HORMAD2: variants seen among roughly 807,000 people sequenced by gnomAD.
HORMAD2 encodes the protein HORMA domain-containing protein 2.
HORMAD2 carries 45 observed loss-of-function variants against 38.8 expected under a neutral mutation model. The ratio of observed to expected loss-of-function variants is 1.16; its 90% CI spans 0.91 to 1.49. The LOEUF is 1.49. Among genes scored for constraint, HORMAD2 ranks in the 40% most tolerant of loss-of-function variants. The pLI is 0.00. For missense variants in HORMAD2, 338 were observed against 367.0 expected (o/e 0.92, Z 0.65); for synonymous variants, 126 against 122.8 (o/e 1.03, Z -0.17).
chr22:30,088,005 A>T (rs113861628), intron 1 of HORMAD2, among the ~76,000 whole-genome samples: 1 of 143,168 alleles, frequency 7.0e-6, no homozygotes, highest in African/African-American at 2.8e-5. Context: ...ATACACACAC[A>T]TACATATATA....
At chr22:30,137,442 C>A (rs1325292211) in intron 10 of HORMAD2, 14 of 312,184 alleles carry the variant, frequency 4.5e-5, no homozygotes, top group Non-Finnish European at 8.7e-5. Context: ...AGCTGTTGAT[C>A]ACACCACTGC....
At chr22:30,114,636 T>A (rs1484272161) in intron 7 of HORMAD2, among the ~76,000 whole-genome samples, 5 of 152,320 alleles carry the variant, frequency 3.3e-5, no homozygotes, top group Middle Eastern at 6.8e-3. Flanking sequence ...ACAATAACAA[T>A]GTTTATATAT....
At chr22:30,108,427 A>G (rs937028365) in intron 5 of HORMAD2, among the ~76,000 whole-genome samples, 1 of 152,230 alleles carries the variant, frequency 6.6e-6, no homozygotes, top group East Asian at 1.9e-4. Flanking sequence ...AATCTAGAAC[A>G]TGCCAAGCTC....
Position 30,147,858 on chromosome 22 carries a change from C to T in HORMAD2, c.819+25644C>T, listed in dbSNP as rs910491849. Among the ~76,000 whole-genome samples, 12 of 152,230 alleles carry T rather than the reference C, an allele frequency of 7.9e-5. No homozygotes were observed. The East Asian group carries it at 1.9e-3, about 24-fold the overall frequency. ...GGCGTGGTGGCTCACATCTGTAATT[C>T]CAGCACTTTGGGAGGCCCTGGTGGA... On this transcript the variant is annotated intron_variant, in intron 10 of 10. Transcript: ENST00000336726.
Position 30,129,677 on chromosome 22 carries a change from A to AT in HORMAD2, c.819+7475dup, listed in dbSNP as rs1020433469. On this transcript the variant is annotated intron_variant, in intron 10 of 10. Coordinates refer to ENST00000336726, the MANE Select transcript of HORMAD2 (RefSeq NM_152510.4). ...GTGGGAAAGTTTCATTAAGTTGGTGATTTTTTTTTTTTCTTTGAGATGCAC... is the reference window on the plus strand; with the variant it reads ...GTGGGAAAGTTTCATTAAGTTGGTGATTTTTTTTTTTTTCTTTGAGATGCAC... Among the ~76,000 whole-genome samples the AT allele has an allele frequency of 9.8e-3, 1,436 of 146,334 alleles. 5 individuals carry two copies. Among genetic ancestry groups the AT allele is most frequent in the Non-Finnish European group, 0.012 (795 of 66,052 alleles).
intron 10 of HORMAD2, among the ~76,000 whole-genome samples, chr22:30,155,844 A>G (rs1320731234): frequency 6.6e-6 from 1 of 152,200 alleles, no homozygotes; most frequent in East Asian, 1.9e-4. Context: ...TTATTTGATC[A>G]GTTCCCTTAA....
chr22:30,166,333 A>G (rs968413841), intron 10 of HORMAD2, among the ~76,000 whole-genome samples: 19 of 152,302 alleles, frequency 1.2e-4, no homozygotes, highest in Middle Eastern at 3.4e-3. Flanking sequence ...AGAACTTTCC[A>G]TGATAATAAA....
chr22:30,104,360 G>T, intron 4 of HORMAD2, 41 bp from the exon 5 acceptor site: 1 of 1,572,450 alleles, frequency 6.4e-7, no homozygotes, highest in South Asian at 1.2e-5. Flanking sequence ...TTTTGGATTT[G>T]CATATGGTCC....
intron 10 of HORMAD2, among the ~76,000 whole-genome samples, chr22:30,130,859 A>G (rs1923234236): frequency 6.6e-6 from 1 of 151,912 alleles, no homozygotes; most frequent in Non-Finnish European, 1.5e-5. Context: ...CGCCTCCCAA[A>G]GTGCTGGGAT....
chr22:30,116,256 CAG>C (rs1299900410), intron 7 of HORMAD2, among the ~76,000 whole-genome samples: 1 of 152,096 alleles, frequency 6.6e-6, no homozygotes, highest in Non-Finnish European at 1.5e-5. Context: ...GAGAGGCAGA[CAG>C]GGGACAGATG....
the HORMAD2 span, among the ~76,000 whole-genome samples, chr22:30,203,394 CAAA>C: frequency 2.3e-5 from 3 of 127,862 alleles, no homozygotes; most frequent in Admixed American, 7.9e-5. Flanking sequence ...GACTCTGTCT[CAAA>C]AAAAAAAAAA....
At chr22:30,187,689 G>C in the HORMAD2 span, among the ~76,000 whole-genome samples, 6 of 152,142 alleles carry the variant, frequency 3.9e-5, no homozygotes, top group African/African-American at 1.4e-4. Flanking sequence ...GGAATGGAGT[G>C]GGGTAGAGGA....
intron 8 of HORMAD2, among the ~76,000 whole-genome samples, chr22:30,120,718 G>A (rs564485358): frequency 2.1e-4 from 32 of 152,326 alleles, no homozygotes; most frequent in Admixed American, 1.6e-3. Context: ...ACAGTCTAGA[G>A]AAGGACAAAT....
chr22:30,133,019 A>G (rs1923392514), intron 10 of HORMAD2, among the ~76,000 whole-genome samples: 1 of 152,226 alleles, frequency 6.6e-6, no homozygotes. Context: ...TGTTTGGTTA[A>G]AAAAGAGATG....
chr22:30,135,138 C>T (rs532286555), intron 10 of HORMAD2, among the ~76,000 whole-genome samples: 2 of 151,986 alleles, frequency 1.3e-5, no homozygotes, highest in South Asian at 2.1e-4. Flanking sequence ...TAGGGGAGAG[C>T]GTGTAAAATT....
At chr22:30,098,759 T>TG (rs746233233) in intron 2 of HORMAD2, 93 bp from the exon 3 acceptor site, 14 of 1,084,920 alleles carry the variant, frequency 1.3e-5, no homozygotes, top group Non-Finnish European at 1.8e-5. Context: ...TTTGAAGTCC[T>TG]GAGAAATCTT....
At chr22:30,175,753 G>A (rs1227897734) in intron 10 of HORMAD2, among the ~76,000 whole-genome samples, 1 of 152,052 alleles carries the variant, frequency 6.6e-6, no homozygotes, top group African/African-American at 2.4e-5. Flanking sequence ...AACCTTAATT[G>A]CTTCTTGTTG....
intron 10 of HORMAD2, among the ~76,000 whole-genome samples, chr22:30,135,730 G>A (rs1413405822): frequency 4.6e-5 from 7 of 152,178 alleles, no homozygotes; most frequent in Non-Finnish European, 7.4e-5. Flanking sequence ...AGGGTTACAT[G>A]TTAGCAGTAG....
intron 1 of HORMAD2, among the ~76,000 whole-genome samples, chr22:30,091,397 C>T (rs1759906016): frequency 1.3e-5 from 2 of 151,476 alleles, no homozygotes; most frequent in African/African-American, 2.4e-5. Context: ...TCCCAAGTAG[C>T]TGGGACTATA....
Sources: gnomAD v4.1 joint callset for allele counts (sites outside exome capture counted in the v4.1 genomes callset) on GRCh38, gnomAD v4.1.1 for gene constraint, MANE v1.5 for transcripts, NCBI Gene and HGNC (gene_info 2026-07-23, HGNC 2026-07-21) for gene names.